The following CREB3L1 variants were observed in gnomAD, a reference collection of about 807,000 sequenced individuals.
CREB3L1 encodes the protein cAMP responsive element binding protein 3 like 1.
Under a neutral mutation model 54.5 loss-of-function variants are expected in CREB3L1, and 33 were observed. The observed-to-expected ratio is 0.61, with a 90% CI of 0.46 to 0.81. The LOEUF is 0.81. Ranked by LOEUF, CREB3L1 falls within the 30% of genes least tolerant of loss-of-function variation. The pLI, the probability that CREB3L1 is intolerant of heterozygous loss-of-function variation, is 0.00. For synonymous variants in CREB3L1, 284 were observed against 286.4 expected (o/e 0.99, Z 0.08); for missense variants, 656 against 673.3 (o/e 0.97, Z 0.29).
chr11:46,294,108 A>T (rs1939169535), intron 1 of CREB3L1, among the ~76,000 whole-genome samples: 1 of 152,196 alleles, frequency 6.6e-6, no homozygotes, highest in South Asian at 2.1e-4. Flanking sequence ...CTCAGCCCAC[A>T]TCTGTGTAGC....
At position 46,298,105 on chromosome 11, in the gene CREB3L1, C is replaced by T. The variant is rs74613357; in HGVS notation, c.103-1830C>T. Among the ~76,000 whole-genome samples, 1,449 of 152,268 alleles carry T rather than the reference C, an allele frequency of 9.5e-3. 11 individuals are homozygous for T. The highest frequency in any genetic ancestry group is 0.014 in the Middle Eastern group (4 of 294). On this transcript the variant is annotated intron_variant, in intron 1 of 11. Transcript: ENST00000621158. ...AAGTGGTGGAGCTAGGAGTCAAAAG[C>T]ACGTCTATGTGACTCCAGAGCTCGT...
Position 46,277,940 on chromosome 11 carries a change from C to G in CREB3L1, c.-172C>G, listed in dbSNP as rs562550994. The G allele has an allele frequency of 7.4e-6, 3 of 403,274 alleles. No homozygotes were observed. The highest frequency in any genetic ancestry group is 2.1e-5 in the African/African-American group (1 of 48,176). 25.0% of individuals were successfully genotyped at this position (403,274 alleles called of 1,614,324 possible). ...CGCTGCCCTAAGGCCCCCGCGCGCC[C>G]CGCGCCCCCCACCCGGGGCCGCGCC... On this transcript the variant is annotated 5_prime_UTR_variant, in exon 1 of 12. Transcript: ENST00000621158.
chr11:46,282,322 G>A (rs1938990729), intron 1 of CREB3L1, among the ~76,000 whole-genome samples: 1 of 152,066 alleles, frequency 6.6e-6, no homozygotes, highest in Non-Finnish European at 1.5e-5. Flanking sequence ...TCATTACCTT[G>A]AGCCATCCCC....
chr11:46,282,489 G>T (rs1035441611), intron 1 of CREB3L1, among the ~76,000 whole-genome samples: 26 of 152,066 alleles, frequency 1.7e-4, no homozygotes, highest in African/African-American at 6.3e-4. Context: ...AGGACTCCTG[G>T]ATCCATACTC....
intron 1 of CREB3L1, among the ~76,000 whole-genome samples, chr11:46,298,949 C>T (rs1020960488): frequency 6.6e-6 from 1 of 151,970 alleles, no homozygotes; most frequent in Non-Finnish European, 1.5e-5. Context: ...GTACAGAGGA[C>T]GAAATGAAAC....
chr11:46,293,897 T>C (rs1301168490), intron 1 of CREB3L1, among the ~76,000 whole-genome samples: 1 of 152,200 alleles, frequency 6.6e-6, no homozygotes, highest in Non-Finnish European at 1.5e-5. Context: ...TCACTGTTTG[T>C]CTGATCACAT....
intron 2 of CREB3L1, among the ~76,000 whole-genome samples, chr11:46,307,088 A>G (rs1317120806): frequency 6.6e-6 from 1 of 152,084 alleles, no homozygotes; most frequent in Admixed American, 6.6e-5. Flanking sequence ...CATGTTGTCC[A>G]GGCTGGTCTC....
intron 2 of CREB3L1, among the ~76,000 whole-genome samples, chr11:46,301,907 A>G (rs1939309241): frequency 6.6e-6 from 1 of 151,696 alleles, no homozygotes; most frequent in South Asian, 2.1e-4. Context: ...GTCGAGATCA[A>G]GCCACTGCAC....
At chr11:46,313,453 G>GA (rs1939519686) in intron 8 of CREB3L1, among the ~76,000 whole-genome samples, 1 of 152,160 alleles carries the variant, frequency 6.6e-6, no homozygotes, top group Non-Finnish European at 1.5e-5. Flanking sequence ...TTGGGAGGAT[G>GA]AGGGGGGTGG....
chr11:46,307,993 C>T lies in CREB3L1; in HGVS notation c.509C>T (p.Pro170Leu), dbSNP rs569990109. Residue 170 changes from proline to leucine, a missense_variant, in exon 3 of 12, where the codon CCC becomes CTC. By Grantham distance (98) the Pro-to-Leu change is moderately conservative. Around this residue, in one of 3 missense-constraint regions of CREB3L1, gnomAD observed 339 missense variants for 331.5 expected, o/e 1.02. Coordinates refer to ENST00000621158, the MANE Select transcript of CREB3L1 (RefSeq NM_052854.4). ...AGCCCCTTGTCCAGGCTGCCCATCC[C>T]CCACCAGGTGAGCCTGGGAACTGTT... ...GLSPLSRLPI[P>L]HQAPGEMTQL... The T allele has an allele frequency of 1.3e-6, 2 of 1,542,260 alleles. No homozygotes were observed. The highest frequency in any genetic ancestry group is 1.4e-5 in the African/African-American group (1 of 72,294).
intron 5 of CREB3L1, among the ~76,000 whole-genome samples, chr11:46,311,509 T>G (rs1426647520): frequency 2.7e-5 from 4 of 150,722 alleles, no homozygotes; most frequent in Non-Finnish European, 2.9e-5. Flanking sequence ...TTTTTTTGTT[T>G]GTTTTTTTTT....
intron 1 of CREB3L1, among the ~76,000 whole-genome samples, chr11:46,293,614 A>G (rs968954751): frequency 2.8e-4 from 43 of 152,120 alleles, no homozygotes; most frequent in African/African-American, 1.0e-3. Flanking sequence ...TCCAGCACAC[A>G]CTGGCAAAGA....
chr11:46,300,059 A>C lies in CREB3L1; in HGVS notation c.227A>C (p.Asp76Ala). The part of the protein sequence containing the change: ...EKSPLLDMEL[D>A]SPTPGIQAEH... ...AGCCCTCTATTGGACATGGAACTGG[A>C]CTCCCCTACGCCAGGCATCCAGGCG... is the stretch of plus-strand genomic sequence containing the variant. The change falls in exon 2 of 12, where the codon GAC becomes GCC. Residue 76 changes from aspartate (D) to alanine (A), a missense_variant. Asp to Ala is a moderately radical substitution (Grantham distance 126). Transcript: ENST00000621158. The C allele has an allele frequency of 6.2e-7, 1 of 1,613,434 alleles. No homozygotes were observed. The highest frequency in any genetic ancestry group is 8.5e-7 in the Non-Finnish European group (1 of 1,179,772).
chr11:46,317,253 A>G (rs1590353032), intron 9 of CREB3L1, 108 bp from the exon 10 acceptor site: 2 of 1,452,360 alleles, frequency 1.4e-6, no homozygotes, highest in Non-Finnish European at 1.9e-6. Context: ...TTCCTTGGGA[A>G]AACGCTAAGA....
At chr11:46,300,208 C>G in intron 2 of CREB3L1, 45 bp downstream of exon 2, 1 of 1,464,226 alleles carries the variant, frequency 6.8e-7, no homozygotes, top group Non-Finnish European at 9.4e-7. Context: ...CCAGGAGGCC[C>G]AGGAGGGAGG....
chr11:46,299,863 C>A, intron 1 of CREB3L1, 72 bp from the exon 2 acceptor site: 1 of 1,111,378 alleles, frequency 9.0e-7, no homozygotes, highest in Non-Finnish European at 1.4e-6. Context: ...TGCTGCACCA[C>A]CACAGTAGCA....
chr11:46,316,215 T>C (rs1939563586), intron 8 of CREB3L1, 71 bp from the exon 9 acceptor site: 5 of 989,986 alleles, frequency 5.1e-6, no homozygotes, highest in African/African-American at 4.8e-5. Flanking sequence ...GCCAGCCCCC[T>C]AGGAGAGCTC....
chr11:46,305,769 G>C (rs183608952), intron 2 of CREB3L1, among the ~76,000 whole-genome samples: 6,241 of 131,998 alleles, frequency 0.047, 499 homozygotes, highest in African/African-American at 0.16. Flanking sequence ...ACGGAGTCTC[G>C]CTCTGTCGCC....
intron 2 of CREB3L1, among the ~76,000 whole-genome samples, chr11:46,303,290 G>A (rs1479952665): frequency 1.3e-5 from 2 of 152,120 alleles, no homozygotes; most frequent in Admixed American, 6.6e-5. Flanking sequence ...TTCTCGTCAG[G>A]CTTAAAAATA....
Sources: allele counts gnomAD v4.1 joint callset (sites outside exome capture counted in the v4.1 genomes callset), GRCh38; gene constraint gnomAD v4.1.1; regional missense constraint gnomAD v4.1.1; transcripts MANE v1.5; gene names NCBI Gene and HGNC (gene_info 2026-07-23, HGNC 2026-07-21).